The following DNMT3A variants were observed in gnomAD, a reference collection of about 807,000 sequenced individuals.
The protein encoded by DNMT3A is DNA (cytosine-5)-methyltransferase 3A.
A neutral mutation model predicts 117.6 loss-of-function variants in DNMT3A; 267 were observed. The ratio of observed to expected loss-of-function variants is 2.27; its 90% CI spans 2.05 to 2.51. The LOEUF is 2.51. DNMT3A is among the 30% of genes most tolerant of loss of function. DNMT3A has a pLI of 0.00. For missense variants in DNMT3A, 1,029 were observed against 1,260.2 expected (o/e 0.82, Z 2.78); for synonymous variants, 432 against 474.8 (o/e 0.91, Z 1.17).
chr2:25,251,732 G>T (rs1200897159), intron 6 of DNMT3A, among the ~76,000 whole-genome samples: 1 of 152,234 alleles, frequency 6.6e-6, no homozygotes, highest in East Asian at 1.9e-4. Flanking sequence ...GAACTCGCAG[G>T]AGAGGAAGCT....
chr2:25,267,877 C>G (rs528328236), intron 6 of DNMT3A, among the ~76,000 whole-genome samples: 2 of 152,176 alleles, frequency 1.3e-5, no homozygotes, highest in African/African-American at 4.8e-5. Flanking sequence ...AACAAGCTGG[C>G]GAGTGCTGCT....
chr2:25,330,551 A>G (rs2034978763), intron 1 of DNMT3A, among the ~76,000 whole-genome samples: 1 of 152,230 alleles, frequency 6.6e-6, no homozygotes, highest in Admixed American at 6.5e-5. Flanking sequence ...GCCCTCACAG[A>G]GGAAGCGGCC....
At chr2:25,240,511 T>C (rs2149272932) in intron 18 of DNMT3A, 61 bp from the exon 19 acceptor site, 4 of 1,579,202 alleles carry the variant, frequency 2.5e-6, no homozygotes, top group Admixed American at 1.7e-5. Flanking sequence ...GTGGTGTGGC[T>C]CGGGCACGGG....
At chr2:25,314,510 C>T (rs2034287382) in intron 1 of DNMT3A, 1 of 985,218 alleles carries the variant, frequency 1.0e-6, no homozygotes, top group South Asian at 4.7e-5. Context: ...CCCAACCAGC[C>T]CCTGGGAAAT....
Position 25,330,513 on chromosome 2 carries a change from C to T in DNMT3A, c.-178+11313G>A, listed in dbSNP as rs1243332606. On this transcript the variant is annotated intron_variant, in intron 1 of 22. Coordinates refer to ENST00000321117, the MANE Select transcript of DNMT3A (RefSeq NM_022552.5). ...GGTGTGGCTGCATGTCACAAGGCCA[C>T]CATACAGCCCAAGGGCCATCATGTA... 2.0e-5 allele frequency among the ~76,000 whole-genome samples: 3 copies of T among 152,268 alleles called. No individual in the cohort carries two copies. In the East Asian group the frequency reaches 5.8e-4, roughly 29 times the overall value.
At chr2:25,329,861 G>A (rs1573506300) in intron 1 of DNMT3A, among the ~76,000 whole-genome samples, 1 of 152,192 alleles carries the variant, frequency 6.6e-6, no homozygotes, top group South Asian at 2.1e-4. Flanking sequence ...GATGCTGGGC[G>A]GGCCTTCCGA....
At chr2:25,275,453 T>C (rs753904092) in intron 5 of DNMT3A, 47 bp downstream of exon 5, 3 of 1,577,794 alleles carry the variant, frequency 1.9e-6, no homozygotes, top group African/African-American at 1.4e-5. Context: ...CCCGTGTCCT[T>C]CTTCTAGAAT....
intron 1 of DNMT3A, among the ~76,000 whole-genome samples, chr2:25,322,493 C>A (rs1010667547): frequency 1.3e-5 from 2 of 151,768 alleles, no homozygotes; most frequent in Admixed American, 1.3e-4. Context: ...CCAAACACAT[C>A]ATTCCCGCTG....
At chr2:25,328,157 T>A (rs558002051) in intron 1 of DNMT3A, among the ~76,000 whole-genome samples, 99 of 152,358 alleles carry the variant, frequency 6.5e-4, no homozygotes, top group Non-Finnish European at 1.1e-3. Flanking sequence ...ACCATCGAAC[T>A]GTACACTTAT....
At chr2:25,271,469 A>T (rs1474921909) in intron 6 of DNMT3A, among the ~76,000 whole-genome samples, 1 of 152,230 alleles carries the variant, frequency 6.6e-6, no homozygotes, top group African/African-American at 2.4e-5. Flanking sequence ...ACCTGCATCT[A>T]GCCCCTTCCT....
chr2:25,275,755 C>T (rs900219409), intron 4 of DNMT3A, among the ~76,000 whole-genome samples: 4 of 152,192 alleles, frequency 2.6e-5, no homozygotes, highest in African/African-American at 7.2e-5. Context: ...AGAGAAAGAA[C>T]TCGGGCAGGG....
intron 2 of DNMT3A, among the ~76,000 whole-genome samples, chr2:25,309,915 T>C (rs1240047325): frequency 1.3e-5 from 2 of 150,958 alleles, no homozygotes; most frequent in Non-Finnish European, 2.9e-5. Context: ...AAAAATTAGC[T>C]GGGCATGGCG....
Position 25,247,780 on chromosome 2 carries a change from C to A in DNMT3A, c.856-31G>T. On this transcript the variant is annotated intron_variant, in intron 7 of 22. Transcript: ENST00000321117. This position sits in a 1 kb window ranked among gnomAD's most constrained non-coding sequence, Gnocchi z 5.6. ...GCCCCAAGGAGCAGAAATCATTACA[C>A]AGTGGTCACGAGGCCCTGCCACCCT... The A allele has an allele frequency of 6.2e-7, 1 of 1,606,276 alleles. No homozygotes were observed. The highest frequency in any genetic ancestry group is 8.5e-7 in the Non-Finnish European group (1 of 1,178,366).
chr2:25,242,170 C>A (rs919815986), intron 16 of DNMT3A, among the ~76,000 whole-genome samples: 2 of 152,090 alleles, frequency 1.3e-5, no homozygotes, highest in African/African-American at 4.8e-5. Context: ...ATCACCGCCC[C>A]CTCCGCTATG....
intron 2 of DNMT3A, among the ~76,000 whole-genome samples, chr2:25,310,594 C>A (rs1451162231): frequency 6.6e-6 from 1 of 152,170 alleles, no homozygotes; most frequent in Non-Finnish European, 1.5e-5. Context: ...TGATCCTGGG[C>A]TCCGGGATTA....
At chr2:25,340,554 G>A (rs2149456765) in intron 1 of DNMT3A, among the ~76,000 whole-genome samples, 1 of 152,202 alleles carries the variant, frequency 6.6e-6, no homozygotes, top group South Asian at 2.1e-4. Flanking sequence ...GAGGGGAACT[G>A]GGGTGAGGGC....
intron 2 of DNMT3A, among the ~76,000 whole-genome samples, chr2:25,308,112 C>T (rs2033881876): frequency 6.6e-6 from 1 of 152,206 alleles, no homozygotes; most frequent in Admixed American, 6.5e-5. Flanking sequence ...ACTCTTCTCC[C>T]ACGCCCCTGC....
rs542150636 is a variant in DNMT3A at position 25,228,728 on chromosome 2, G to C, written c.*5551C>G. The C allele has an allele frequency of 6.6e-6, 1 of 152,332 alleles. No individual in the cohort carries two copies. The highest frequency in any genetic ancestry group is 1.9e-4 in the East Asian group (1 of 5,194). 9.4% of individuals were successfully genotyped at this position (152,332 alleles called of 1,614,324 possible). On this transcript the variant is annotated 3_prime_UTR_variant, in exon 23 of 23. Coordinates refer to ENST00000321117, the MANE Select transcript of DNMT3A (RefSeq NM_022552.5). The stretch of plus-strand genomic sequence containing the variant: ...ATAAAATGTTTTAGCACCTTGGTGA[G>C]TCACCTCCTCCCTCTGCGTATTCTA...
In DNMT3A at chr2:25,264,328, C is replaced by T. The variant is rs373294156; in HGVS notation, c.639+10613G>A. ...CTAATTTTTGTATTTTCAGTAGAGA[C>T]GGCGTTTCACCATGTTAGCCAGACT... On this transcript the variant is annotated intron_variant, in intron 6 of 22. Transcript: ENST00000321117. Among the ~76,000 whole-genome samples the T allele has an allele frequency of 1.0e-3, 156 of 151,474 alleles. 4 individuals are homozygous for T. The South Asian group carries it at 0.029, about 28-fold the overall frequency.
Sources: gnomAD v4.1 joint callset for allele counts (sites outside exome capture counted in the v4.1 genomes callset) on GRCh38, gnomAD v4.1.1 for gene constraint, Gnocchi (gnomAD v3.1) non-coding constraint, MANE v1.5 for transcripts, NCBI Gene and HGNC (gene_info 2026-07-23, HGNC 2026-07-21) for gene names.